Variants in AKT3 observed in about 807,000 individuals in gnomAD.
The protein encoded by AKT3 is RAC-gamma serine/threonine-protein kinase.
AKT3 carries 15 observed loss-of-function variants against 65.3 expected under a neutral mutation model. The observed-to-expected ratio is 0.23, with a 90% CI of 0.15 to 0.35. AKT3 has a LOEUF of 0.35. Ranked by LOEUF, AKT3 falls within the 10% of genes least tolerant of loss-of-function variation. The pLI is 1.00. For missense variants in AKT3, 243 were observed against 576.5 expected (o/e 0.42, Z 5.92); for synonymous variants, 206 against 183.8 (o/e 1.12, Z -0.98).
chr1:243,511,621 C>T (rs1439867405), intron 13 of AKT3, among the ~76,000 whole-genome samples: 1 of 152,178 alleles, frequency 6.6e-6, no homozygotes, highest in South Asian at 2.1e-4. Context: ...GCAATCTTAT[C>T]CACATTCTTA....
intron 2 of AKT3, among the ~76,000 whole-genome samples, chr1:243,759,438 T>C (rs1689353434): frequency 1.3e-5 from 2 of 151,998 alleles, no homozygotes; most frequent in Admixed American, 6.5e-5. Context: ...GCCAGTCCTA[T>C]ATCATAAAGT....
At chr1:243,589,306 C>CAAAAAAAAAA (rs758254217) in intron 8 of AKT3, among the ~76,000 whole-genome samples, 151 of 38,524 alleles carry the variant, frequency 3.9e-3, no homozygotes, top group Non-Finnish European at 5.2e-3. Context: ...AACTCCATCT[C>CAAAAAAAAAA]AAAAAAAAAA....
chr1:243,561,595 A>G (rs1673784587), intron 10 of AKT3, among the ~76,000 whole-genome samples: 1 of 152,190 alleles, frequency 6.6e-6, no homozygotes, highest in African/African-American at 2.4e-5. Context: ...TAAATGAAAT[A>G]ATAGCTGTAA....
intron 10 of AKT3, among the ~76,000 whole-genome samples, chr1:243,555,826 GA>G (rs1282938795): frequency 6.6e-6 from 1 of 152,048 alleles, no homozygotes; most frequent in Non-Finnish European, 1.5e-5. Flanking sequence ...TTATCTTGAA[GA>G]AATAACTTCT....
In AKT3 at chr1:243,504,349, T is replaced by C. The variant is rs1268584857; in HGVS notation, c.*900A>G. The C allele has an allele frequency of 1.5e-5, 3 of 201,746 alleles. No individual in the cohort carries two copies. The East Asian group carries it at 2.3e-4, about 15-fold the overall frequency. The allele number at this position is 201,746 out of a possible 1,614,324, so 12.5% of individuals were successfully genotyped here. ...TAAATAAGGCAAACACCTGTTTACC[T>C]TGGTGTAGAAATTTTGGTGAAAAGC... On this transcript the variant is annotated 3_prime_UTR_variant, in exon 14 of 14. Transcript: ENST00000673466.
chr1:243,833,274 A>T lies in AKT3; in HGVS notation c.46+9851T>A, dbSNP rs985245477. ...ATCAAAAAACAAACAAACAAAAAAA[A>T]CCTGCCAGAGACTGGGTAATTAACA... On this transcript the variant is annotated intron_variant, in intron 2 of 13. Transcript: ENST00000673466. 2.6e-5 allele frequency among the ~76,000 whole-genome samples: 4 copies of T among 152,068 alleles called. No homozygotes were observed. In the East Asian group the frequency reaches 7.7e-4, roughly 29 times the overall value.
intron 4 of AKT3, among the ~76,000 whole-genome samples, chr1:243,664,150 A>G (rs1327799733): frequency 1.4e-5 from 2 of 141,184 alleles, no homozygotes; most frequent in African/African-American, 5.3e-5. Flanking sequence ...CAATTATACA[A>G]TTTTTTAAAA....
At chr1:243,642,395 T>C (rs192771865) in intron 5 of AKT3, among the ~76,000 whole-genome samples, 204 of 152,346 alleles carry the variant, frequency 1.3e-3, no homozygotes, top group African/African-American at 1.9e-3. Flanking sequence ...CTGCAAGCTC[T>C]GCCTCCTGAG....
intron 3 of AKT3, among the ~76,000 whole-genome samples, chr1:243,674,881 T>C (rs1683395003): frequency 6.6e-6 from 1 of 152,216 alleles, no homozygotes; most frequent in African/African-American, 2.4e-5. Context: ...TACATGGGTG[T>C]ATTGTATAAA....
chr1:243,671,259 T>C (rs1365852231), intron 3 of AKT3, among the ~76,000 whole-genome samples: 1 of 152,074 alleles, frequency 6.6e-6, no homozygotes, highest in East Asian at 1.9e-4. Flanking sequence ...TTTGTATTTT[T>C]AGTAGAGACG....
At chr1:243,739,166 A>C (rs913364559) in intron 2 of AKT3, among the ~76,000 whole-genome samples, 3 of 152,194 alleles carry the variant, frequency 2.0e-5, no homozygotes, top group Non-Finnish European at 4.4e-5. Context: ...TGACACATAC[A>C]TGTAATTTTA....
rs554745507 is a variant in AKT3, at chr1:243,713,379, A to AG, written c.47-17664dup. Among the ~76,000 whole-genome samples, 426 of 152,284 alleles carry AG rather than the reference A, an allele frequency of 2.8e-3. 2 individuals carry two copies. Among genetic ancestry groups the AG allele is most frequent in the African/African-American group, 9.6e-3 (400 of 41,554 alleles). ...CCTAAACTAATTAACGAAATAAGGG[A>AG]GGGGGGATGCAGGAAAACAATGATA... is the stretch of plus-strand genomic sequence containing the variant. On this transcript the variant is annotated intron_variant, in intron 2 of 13. Coordinates refer to ENST00000673466, the MANE Select transcript of AKT3 (RefSeq NM_005465.7).
At chr1:243,845,692 C>G (rs1695490875) in intron 1 of AKT3, among the ~76,000 whole-genome samples, 4 of 151,242 alleles carry the variant, frequency 2.6e-5, no homozygotes. Context: ...TCTTGGGAGC[C>G]TCATCATAAA....
At chr1:243,541,554 G>A (rs2148439653) in intron 12 of AKT3, among the ~76,000 whole-genome samples, 1 of 151,930 alleles carries the variant, frequency 6.6e-6, no homozygotes, top group African/African-American at 2.4e-5. Context: ...CCTTTTATTG[G>A]AGAATAATAG....
intron 4 of AKT3, among the ~76,000 whole-genome samples, chr1:243,647,982 G>T (rs567395104): frequency 3.2e-4 from 49 of 152,270 alleles, no homozygotes; most frequent in Middle Eastern, 6.8e-3. Context: ...TGTAGGCCAG[G>T]TGCAGTGGCT....
chr1:243,773,211 T>C (rs563612897), intron 2 of AKT3, among the ~76,000 whole-genome samples: 1 of 147,430 alleles, frequency 6.8e-6, no homozygotes, highest in African/African-American at 2.5e-5. Context: ...ATAAAAAATA[T>C]ATATATATAT....
intron 2 of AKT3, among the ~76,000 whole-genome samples, chr1:243,759,821 T>C (rs1212931198): frequency 6.6e-6 from 1 of 152,228 alleles, no homozygotes; most frequent in African/African-American, 2.4e-5. Context: ...AAGGTTCTGC[T>C]TCTGTAAATA....
chr1:243,711,106 G>A (rs1242736901), intron 2 of AKT3, among the ~76,000 whole-genome samples: 1 of 152,174 alleles, frequency 6.6e-6, no homozygotes, highest in Non-Finnish European at 1.5e-5. Flanking sequence ...GGTTCACAAG[G>A]TCAGGAGTTA....
intron 13 of AKT3, among the ~76,000 whole-genome samples, chr1:243,494,069 C>T (rs1459773863): frequency 6.6e-6 from 1 of 152,124 alleles, no homozygotes; most frequent in Non-Finnish European, 1.5e-5. Context: ...GGAGCTACCA[C>T]AAAGTTAGCT....
Sources: gnomAD v4.1 joint callset for allele counts (sites outside exome capture counted in the v4.1 genomes callset) on GRCh38, gnomAD v4.1.1 for gene constraint, MANE v1.5 for transcripts, NCBI Gene and HGNC (gene_info 2026-07-23, HGNC 2026-07-21) for gene names.